CDH4: variants seen among roughly 807,000 people sequenced by gnomAD.
CDH4 encodes the protein cadherin 4.
Under a neutral mutation model 86.0 loss-of-function variants are expected in CDH4, and 33 were observed. The observed-to-expected ratio is 0.38, with a 90% CI of 0.29 to 0.51. The LOEUF is 0.51. Among genes scored for constraint, CDH4 ranks in the 20% least tolerant of loss-of-function variants. The pLI, the probability that CDH4 is intolerant of heterozygous loss-of-function variation, is 0.86. For synonymous variants in CDH4, 555 were observed against 549.4 expected, an observed-to-expected ratio of 1.01 and a Z score of -0.14; for missense variants, 1,114 against 1,307.4, an observed-to-expected ratio of 0.85 and a Z score of 2.28.
At chr20:61,338,150 G>T (rs2084629604) in intron 2 of CDH4, among the ~76,000 whole-genome samples, 1 of 152,042 alleles carries the variant, frequency 6.6e-6, no homozygotes, top group Non-Finnish European at 1.5e-5. Context: ...TGTCTTTTTG[G>T]TTTGACCAAG....
intron 2 of CDH4, among the ~76,000 whole-genome samples, chr20:61,698,822 G>A (rs1252958395): frequency 6.6e-6 from 1 of 152,226 alleles, no homozygotes; most frequent in Non-Finnish European, 1.5e-5. Flanking sequence ...CCCGAGCTTG[G>A]ATGTGCTTAG....
intron 2 of CDH4, among the ~76,000 whole-genome samples, chr20:61,656,771 G>T (rs527571397): frequency 2.4e-4 from 37 of 152,256 alleles, no homozygotes; most frequent in Non-Finnish European, 4.1e-4. Context: ...CAAAGGCAGG[G>T]GTCCATTCCT....
chr20:61,388,716 T>G (rs1285112219), intron 2 of CDH4, among the ~76,000 whole-genome samples: 1 of 152,222 alleles, frequency 6.6e-6, no homozygotes, highest in African/African-American at 2.4e-5. Flanking sequence ...GCTGGCTACA[T>G]GTGTATGGTT....
At chr20:61,437,847 G>A (rs1249669691) in intron 2 of CDH4, among the ~76,000 whole-genome samples, 1 of 152,178 alleles carries the variant, frequency 6.6e-6, no homozygotes, top group African/African-American at 2.4e-5. Flanking sequence ...TGTGCCCCTG[G>A]AAAACAGAAG....
chr20:61,933,215 T>A, intron 14 of CDH4, 91 bp downstream of exon 14: 1 of 1,489,422 alleles, frequency 6.7e-7, no homozygotes, highest in Non-Finnish European at 9.1e-7. Flanking sequence ...GGTTTAACAG[T>A]AAGACATTTC....
chr20:61,550,413 T>C (rs1255939230), intron 2 of CDH4, among the ~76,000 whole-genome samples: 1 of 152,224 alleles, frequency 6.6e-6, no homozygotes, highest in Non-Finnish European at 1.5e-5. Flanking sequence ...TCTCAGCCAC[T>C]GCCTCCTTTG....
intron 2 of CDH4, among the ~76,000 whole-genome samples, chr20:61,554,398 A>G (rs2086158306): frequency 6.6e-6 from 1 of 152,194 alleles, no homozygotes; most frequent in Non-Finnish European, 1.5e-5. Context: ...CTGCCCTTGA[A>G]ACATTATGTC....
intron 2 of CDH4, among the ~76,000 whole-genome samples, chr20:61,348,907 G>GT (rs2084694586): frequency 6.6e-6 from 1 of 152,148 alleles, no homozygotes; most frequent in Admixed American, 6.5e-5. Flanking sequence ...TTTGTTTTTC[G>GT]TTTGTTTTGG....
intron 4 of CDH4, among the ~76,000 whole-genome samples, chr20:61,783,543 G>T (rs1007477850): frequency 6.8e-6 from 1 of 146,552 alleles, no homozygotes; most frequent in South Asian, 2.3e-4. Flanking sequence ...AAGGCCCTCC[G>T]ATATCCTGTG....
At chr20:61,759,809 A>G (rs2088610680) in intron 3 of CDH4, among the ~76,000 whole-genome samples, 1 of 152,158 alleles carries the variant, frequency 6.6e-6, no homozygotes, top group Non-Finnish European at 1.5e-5. Flanking sequence ...GGTTGTCACC[A>G]CAGTGGGGTT....
At chr20:61,793,706 G>A (rs1271390720) in intron 4 of CDH4, among the ~76,000 whole-genome samples, 7 of 152,004 alleles carry the variant, frequency 4.6e-5, no homozygotes, top group South Asian at 2.1e-4. Context: ...TGGGCATGGT[G>A]GCAGACACCT....
intron 4 of CDH4, among the ~76,000 whole-genome samples, chr20:61,813,566 C>T (rs561077048): frequency 1.3e-5 from 2 of 152,208 alleles, no homozygotes; most frequent in Non-Finnish European, 2.9e-5. Flanking sequence ...GTATAAGCAT[C>T]GCATCCCCAG....
At position 61,256,791 on chromosome 20, in the gene CDH4, T is replaced by G. The variant is rs149924344; in HGVS notation, c.169+1854T>G. Among the ~76,000 whole-genome samples, 508 of 152,354 alleles carry G rather than the reference T, an allele frequency of 3.3e-3. 5 individuals carry two copies. Among genetic ancestry groups the G allele is most frequent in the African/African-American group, 0.012 (485 of 41,590 alleles). ...TGCTGGGTCCTCTCTGACCCTCCTC[T>G]AGGGGCTGTAGTCGCATTGCTTCTC... On this transcript the variant is annotated intron_variant, in intron 2 of 15. Coordinates refer to ENST00000614565, the MANE Select transcript of CDH4 (RefSeq NM_001794.5).
At chr20:61,371,673 G>A (rs549305779) in intron 2 of CDH4, among the ~76,000 whole-genome samples, 14 of 152,338 alleles carry the variant, frequency 9.2e-5, no homozygotes, top group African/African-American at 3.1e-4. Flanking sequence ...TACCAGCTTC[G>A]TGGCTGGGTC....
At chr20:61,284,190 C>A (rs2084280880) in intron 2 of CDH4, among the ~76,000 whole-genome samples, 1 of 151,484 alleles carries the variant, frequency 6.6e-6, no homozygotes, top group Admixed American at 6.6e-5. Context: ...TGGTGGGTGC[C>A]TGTAGTCCCA....
At position 61,568,960 on chromosome 20, in the gene CDH4, G is replaced by A. The variant is rs535100517; in HGVS notation, c.170-174603G>A. Among the ~76,000 whole-genome samples, 33 of 152,276 alleles carry A rather than the reference G, an allele frequency of 2.2e-4. 1 individual carries two copies. In the South Asian group the frequency reaches 6.4e-3, roughly 30 times the overall value. ...AGTGCCTGGCACACAGTAGGTCCTCGCTCAAGACTCAACAGATGAAAGCCC... is the reference window on the plus strand; with the variant it reads ...AGTGCCTGGCACACAGTAGGTCCTCACTCAAGACTCAACAGATGAAAGCCC... On this transcript the variant is annotated intron_variant, in intron 2 of 15. Transcript: ENST00000614565.
At chr20:61,295,092 G>C (rs540337012) in intron 2 of CDH4, among the ~76,000 whole-genome samples, 1 of 152,378 alleles carries the variant, frequency 6.6e-6, no homozygotes, top group South Asian at 2.1e-4. Flanking sequence ...CGAAGGCAGG[G>C]AGTGTCATGG....
chr20:61,822,441 A>C (rs1981093192), intron 4 of CDH4, among the ~76,000 whole-genome samples: 1 of 152,238 alleles, frequency 6.6e-6, no homozygotes, highest in Admixed American at 6.5e-5. Context: ...GAAAAGTAGC[A>C]GATACACCTG....
intron 2 of CDH4, among the ~76,000 whole-genome samples, chr20:61,365,358 G>C (rs2084805694): frequency 6.6e-6 from 1 of 152,216 alleles, no homozygotes; most frequent in Non-Finnish European, 1.5e-5. Flanking sequence ...TCTGTTAGGA[G>C]CATTCAAGAA....
Sources: allele counts gnomAD v4.1 joint callset (sites outside exome capture counted in the v4.1 genomes callset), GRCh38; gene constraint gnomAD v4.1.1; transcripts MANE v1.5; gene names NCBI Gene and HGNC (gene_info 2026-07-23, HGNC 2026-07-21).